MIR2052HG: variants seen among roughly 807,000 people sequenced by gnomAD.
The protein encoded by MIR2052HG is MIR2052 host gene.
intron 2 of MIR2052HG, among the ~76,000 whole-genome samples, chr8:74,691,110 G>A (rs185045291): frequency 2.6e-5 from 4 of 152,288 alleles, no homozygotes; most frequent in Admixed American, 2.6e-4. Context: ...ATAAATACAT[G>A]CTAAAACAAA....
chr8:74,639,840 A>G (rs537004984), intron 2 of MIR2052HG, among the ~76,000 whole-genome samples: 1 of 152,148 alleles, frequency 6.6e-6, no homozygotes, highest in South Asian at 2.1e-4. Context: ...AGTCCCCAGT[A>G]AGCAATAATA....
At chr8:74,735,286 C>A (rs983866848) in intron 4 of MIR2052HG, among the ~76,000 whole-genome samples, 1 of 152,190 alleles carries the variant, frequency 6.6e-6, no homozygotes, top group African/African-American at 2.4e-5. Context: ...AGAGGCTGTT[C>A]TCAGTTCTGA....
chr8:74,669,657 G>C (rs1808969464), intron 2 of MIR2052HG, among the ~76,000 whole-genome samples: 1 of 152,088 alleles, frequency 6.6e-6, no homozygotes, highest in Admixed American at 6.6e-5. Context: ...CTTTCTCTCT[G>C]TCTTTTGTAC....
intron 4 of MIR2052HG, among the ~76,000 whole-genome samples, chr8:74,722,353 T>A (rs1217432781): frequency 1.3e-5 from 2 of 152,226 alleles, no homozygotes; most frequent in Non-Finnish European, 2.9e-5. Flanking sequence ...TTCTATATTT[T>A]AAAAAATCTT....
intron 2 of MIR2052HG, among the ~76,000 whole-genome samples, chr8:74,640,363 C>T (rs1471587180): frequency 5.3e-5 from 8 of 149,796 alleles, no homozygotes; most frequent in Admixed American, 4.7e-4. Context: ...CCCAGCTACT[C>T]GGGAGGCTGA....
intron 2 of MIR2052HG, among the ~76,000 whole-genome samples, chr8:74,652,237 A>C (rs1414119546): frequency 6.6e-6 from 1 of 152,222 alleles, no homozygotes; most frequent in African/African-American, 2.4e-5. Context: ...GTGGGAGCAC[A>C]CTGCCTTTTG....
chr8:74,697,922 T>A (rs2128740515), intron 2 of MIR2052HG, among the ~76,000 whole-genome samples: 1 of 152,216 alleles, frequency 6.6e-6, no homozygotes, highest in South Asian at 2.1e-4. Flanking sequence ...GTGAAAATGA[T>A]CATGCTGCCA....
chr8:74,692,105 C>CA (rs1330454693), intron 2 of MIR2052HG, among the ~76,000 whole-genome samples: 2 of 152,072 alleles, frequency 1.3e-5, no homozygotes, highest in Non-Finnish European at 2.9e-5. Context: ...TCTTTTGATA[C>CA]AGAGTCTCAC....
At chr8:74,649,957 G>A (rs1438089876) in intron 2 of MIR2052HG, among the ~76,000 whole-genome samples, 1 of 151,910 alleles carries the variant, frequency 6.6e-6, no homozygotes, top group Non-Finnish European at 1.5e-5. Flanking sequence ...TCTACTGAGT[G>A]TGTATATTTG....
intron 2 of MIR2052HG, among the ~76,000 whole-genome samples, chr8:74,669,642 G>A (rs1270708107): frequency 1.3e-5 from 2 of 152,154 alleles, no homozygotes; most frequent in Non-Finnish European, 2.9e-5. Context: ...TCTCAGGCAT[G>A]TTGCCTTTCT....
chr8:74,638,197 A>G (rs1355127942), intron 2 of MIR2052HG, among the ~76,000 whole-genome samples: 1 of 152,170 alleles, frequency 6.6e-6, no homozygotes, highest in African/African-American at 2.4e-5. Context: ...GCACACACAA[A>G]ATGAAGTATC....
intron 2 of MIR2052HG, among the ~76,000 whole-genome samples, chr8:74,675,063 A>AAT (rs1487714121): frequency 6.6e-6 from 1 of 152,068 alleles, no homozygotes; most frequent in Non-Finnish European, 1.5e-5. Context: ...ATAATTGAAC[A>AAT]AATTTACTGA....
intron 4 of MIR2052HG, among the ~76,000 whole-genome samples, chr8:74,741,301 G>T (rs147966556): frequency 6.6e-6 from 1 of 152,200 alleles, no homozygotes; most frequent in East Asian, 1.9e-4. Flanking sequence ...CACTTAGCAG[G>T]TACTTTAAAA....
intron 2 of MIR2052HG, among the ~76,000 whole-genome samples, chr8:74,673,088 G>GA (rs944151247): frequency 2.9e-4 from 44 of 151,826 alleles, no homozygotes; most frequent in East Asian, 2.5e-3. Context: ...GAGGCAAAAA[G>GA]AAAAAAAACA....
chr8:74,607,036 A>G (rs1808121766), intron 1 of MIR2052HG, among the ~76,000 whole-genome samples: 2 of 152,100 alleles, frequency 1.3e-5, no homozygotes, highest in Admixed American at 1.3e-4. Context: ...AAAAATTGAA[A>G]GATTGGAGAA....
At chr8:74,722,034 TAAA>T (rs1348307372) in intron 4 of MIR2052HG, among the ~76,000 whole-genome samples, 3 of 151,840 alleles carry the variant, frequency 2.0e-5, no homozygotes, top group Non-Finnish European at 4.4e-5. Flanking sequence ...TCTACAAAGT[TAAA>T]AAATTAGCTG....
At chr8:74,655,413 C>T (rs1044657385) in intron 2 of MIR2052HG, among the ~76,000 whole-genome samples, 4 of 152,104 alleles carry the variant, frequency 2.6e-5, no homozygotes, top group African/African-American at 9.7e-5. Flanking sequence ...GGGGACCTGG[C>T]CCAGGGTCCC....
chr8:74,749,848 C>A (rs1211235375), intron 4 of MIR2052HG, among the ~76,000 whole-genome samples: 348 of 107,584 alleles, frequency 3.2e-3, no homozygotes, highest in Admixed American at 4.4e-3. Context: ...GACTCCATCT[C>A]AAAAAAAAAA....
At chr8:74,673,906 T>TATAC (rs1554575304) in intron 2 of MIR2052HG, among the ~76,000 whole-genome samples, 2 of 138,298 alleles carry the variant, frequency 1.4e-5, no homozygotes, top group African/African-American at 6.2e-5. Flanking sequence ...TATATATATA[T>TATAC]ATATACACAC....
Sources: allele counts gnomAD v4.1 joint callset (sites outside exome capture counted in the v4.1 genomes callset), GRCh38; gene constraint gnomAD v4.1.1; transcripts MANE v1.5; gene names NCBI Gene and HGNC (gene_info 2026-07-23, HGNC 2026-07-21).